GGCT: variants seen among roughly 807,000 people sequenced by gnomAD.
The protein encoded by GGCT is gamma-glutamylcyclotransferase, also known as cytochrome c-releasing factor 21.
GGCT carries 20 observed loss-of-function variants against 22.1 expected under a neutral mutation model. That is an observed-to-expected ratio of 0.91 (90% CI 0.64 to 1.32). The LOEUF (loss-of-function observed/expected upper bound fraction) is 1.32, where lower values mean the gene tolerates loss of function less well. Ranked by LOEUF, GGCT falls within the 40% of genes most tolerant of loss-of-function variation. The pLI is 0.00. For synonymous variants in GGCT, 72 were observed against 78.4 expected, an observed-to-expected ratio of 0.92 and a Z score of 0.43; for missense variants, 209 against 223.5, an observed-to-expected ratio of 0.94 and a Z score of 0.41.
rs1789624286 is a variant in GGCT, at chr7:30,498,824, G to C, written c.402C>G (p.Pro134=). Residue 134 remains proline, a synonymous_variant, in exon 3 of 4, where the codon CCC becomes CCG. Transcript: ENST00000275428. ...TTACCTTTTTATACTGTGGGGATGGGGGAGCACTTTCGTAATTTGTCATCA... is the reference window on the plus strand; with the variant it reads ...TTACCTTTTTATACTGTGGGGATGGCGGAGCACTTTCGTAATTTGTCATCA... ...SYLMTNYESA[P]PSPQYKKIIC... The C allele has an allele frequency of 6.2e-7, 1 of 1,613,446 alleles. No individual in the cohort carries two copies.
intron 3 of GGCT, chr7:30,498,016 TATATATAG>T (rs1294457948): frequency 1.3e-5 from 3 of 225,014 alleles, no homozygotes; most frequent in Non-Finnish European, 2.7e-5. Flanking sequence ...CATATATATA[TATATATAG>T]ATACACACAC....
chr7:30,499,907 A>G (rs561916291), intron 2 of GGCT, among the ~76,000 whole-genome samples: 205 of 152,086 alleles, frequency 1.3e-3, no homozygotes, highest in Non-Finnish European at 2.3e-3. Context: ...GTGTTCTGAC[A>G]GCAAGAGAAT....
At chr7:30,497,813 G>A (rs762854515) in intron 3 of GGCT, 18 of 1,459,932 alleles carry the variant, frequency 1.2e-5, no homozygotes, top group South Asian at 1.4e-5. Context: ...AGGAATTTTG[G>A]GGTCTCTATC....
chr7:30,498,013 A>ATATATATATATT (rs1453128203), intron 3 of GGCT: 1 of 229,328 alleles, frequency 4.4e-6, no homozygotes, highest in African/African-American at 2.2e-5. Context: ...AAGCATATAT[A>ATATATATATATT]TATATATATA....
At chr7:30,504,463 A>T (rs1789780227) in intron 1 of GGCT, 106 bp downstream of exon 1, 2 of 1,333,684 alleles carry the variant, frequency 1.5e-6, no homozygotes, top group South Asian at 2.6e-5. Flanking sequence ...TAGTACCCTC[A>T]TCAAGAAGAA....
chr7:30,497,112 C>T lies in GGCT; in HGVS notation c.547G>A (p.Gly183Arg), dbSNP rs1247878740. The change falls in exon 4 of 4, where the codon GGG (glycine) becomes AGG (arginine). Residue 183 changes from glycine to arginine, a missense_variant. Physicochemically the swap from Gly to Arg is moderately radical, Grantham distance 125. Coordinates refer to ENST00000275428, the MANE Select transcript of GGCT (RefSeq NM_024051.4). ...ATGTTCTAAAGAGTTTGTGTTTCCC[C>T]CTTTTTGATGATGTCTTCAATTTCT... The part of the protein sequence containing the change: ...SEEIEDIIKK[G>R]ETQTL 6.3e-7 allele frequency: 1 copy of T among 1,599,856 alleles called. No individual in the cohort carries two copies. The highest frequency in any genetic ancestry group is 2.2e-5 in the East Asian group (1 of 44,752).
At position 30,504,773 on chromosome 7, in the gene GGCT, A is replaced by C. The variant is rs564953523; in HGVS notation, c.-64T>G. ...GTAAGGAACGGCCAGAGAGCGCAAC[A>C]CTGGGGCCCACTACCCCGGCGCAGT... On this transcript the variant is annotated 5_prime_UTR_variant, in exon 1 of 4. Coordinates refer to ENST00000275428, the MANE Select transcript of GGCT (RefSeq NM_024051.4). The C allele has an allele frequency of 2.0e-6, 3 of 1,510,460 alleles. No homozygotes were observed. In the Admixed American group the frequency reaches 5.1e-5, roughly 26 times the overall value. The allele number at this position is 1,510,460 out of a possible 1,614,324, so 93.6% of individuals were successfully genotyped here. A position where few individuals can be genotyped will look rare whatever the true frequency, so the allele number is the denominator to read the frequency against.
intron 1 of GGCT, 31 bp downstream of exon 1, chr7:30,504,538 C>T: frequency 8.1e-6 from 13 of 1,611,604 alleles, no homozygotes; most frequent in Non-Finnish European, 7.6e-6. Flanking sequence ...ATCCCGGCCC[C>T]GGCGTGGGTA....
chr7:30,502,192 G>A (rs1391832738), intron 1 of GGCT, among the ~76,000 whole-genome samples: 1 of 152,156 alleles, frequency 6.6e-6, no homozygotes. Context: ...GAACTTTTTT[G>A]CTTACCTGTG....
chr7:30,503,356 G>C (rs913024599), intron 1 of GGCT, among the ~76,000 whole-genome samples: 1 of 152,210 alleles, frequency 6.6e-6, no homozygotes, highest in Non-Finnish European at 1.5e-5. Context: ...GGAATAGGGA[G>C]TATCAGAGCC....
intron 3 of GGCT, 38 bp from the exon 4 acceptor site, chr7:30,497,273 TCA>T (rs1206079894): frequency 6.6e-7 from 1 of 1,525,116 alleles, no homozygotes; most frequent in East Asian, 2.3e-5. Context: ...AAAAACCCTT[TCA>T]GTTAGGAATA....
chr7:30,503,807 T>G (rs1419638312), intron 1 of GGCT, among the ~76,000 whole-genome samples: 2 of 79,432 alleles, frequency 2.5e-5, no homozygotes, highest in African/African-American at 4.2e-5. Context: ...TTTTTTTTTT[T>G]GCTTAAATCA....
At position 30,500,521 on chromosome 7, in the gene GGCT, T is replaced by A. The variant is rs772603638; in HGVS notation, c.287+15A>T. ...GAATTAATTACTGTTTAACTTATAATTAGAAGCCACCTACTCATCCAGAGA... is the reference window on the plus strand; with the variant it reads ...GAATTAATTACTGTTTAACTTATAAATAGAAGCCACCTACTCATCCAGAGA... On this transcript the variant is annotated intron_variant, in intron 2 of 3. Transcript: ENST00000275428. The A allele has an allele frequency of 5.6e-6, 9 of 1,602,126 alleles. No individual in the cohort carries two copies. The highest frequency in any genetic ancestry group is 8.5e-7 in the Non-Finnish European group (1 of 1,169,990).
In GGCT at chr7:30,498,873, T is replaced by G; in HGVS notation, c.353A>C (p.Lys118Thr). 4 of 1,613,140 alleles carry G rather than the reference T, an allele frequency of 2.5e-6. No homozygotes were observed. The highest frequency in any genetic ancestry group is 3.4e-6 in the Non-Finnish European group (4 of 1,179,114). The change falls in exon 3 of 4, where the codon AAA becomes ACA. Residue 118 changes from lysine to threonine, a missense_variant. Transcript: ENST00000275428. Reference protein sequence around the residue: ...IEVKVATQEGKEITCRSYLMT... With the variant: ...IEVKVATQEGTEITCRSYLMT... The stretch of plus-strand genomic sequence containing the variant: ...CAGATAACTTCGACAGGTTATTTCT[T>G]TTCCTTCTTGAGTTGCAACTTTAAC...
intron 3 of GGCT, among the ~76,000 whole-genome samples, chr7:30,498,562 G>C (rs562445086): frequency 2.6e-5 from 4 of 152,186 alleles, no homozygotes; most frequent in Admixed American, 2.6e-4. Flanking sequence ...TGGGATTACA[G>C]GTGCTCGCCA....
intron 1 of GGCT, among the ~76,000 whole-genome samples, chr7:30,502,983 T>G (rs927931568): frequency 1.3e-5 from 2 of 152,196 alleles, no homozygotes; most frequent in Non-Finnish European, 2.9e-5. Flanking sequence ...CTTCCACATA[T>G]CTCCAGTCTT....
At chr7:30,499,864 G>A (rs1789659796) in intron 2 of GGCT, among the ~76,000 whole-genome samples, 1 of 151,236 alleles carries the variant, frequency 6.6e-6, no homozygotes, top group Non-Finnish European at 1.5e-5. Flanking sequence ...TTATACTATG[G>A]AAACATTGTT....
chr7:30,497,015 C>T lies in GGCT; in HGVS notation c.*77G>A. The stretch of plus-strand genomic sequence containing the variant: ...GAAAATGGATCAAACGTGGAGATCC[C>T]CCAGATCCCTGTTCTCAAGTGTTAA... On this transcript the variant is annotated 3_prime_UTR_variant, in exon 4 of 4. Transcript: ENST00000275428. 2.1e-6 allele frequency: 2 copies of T among 945,486 alleles called. No individual in the cohort carries two copies. The highest frequency in any genetic ancestry group is 3.1e-6 in the Non-Finnish European group (2 of 637,616). The allele number at this position is 945,486 out of a possible 1,614,324, so 58.6% of individuals were successfully genotyped here. A position where few individuals can be genotyped will look rare whatever the true frequency, so the allele number is the denominator to read the frequency against.
intron 1 of GGCT, among the ~76,000 whole-genome samples, chr7:30,504,059 T>C (rs1044543872): frequency 5.9e-5 from 9 of 152,106 alleles, no homozygotes; most frequent in Non-Finnish European, 1.2e-4. Context: ...CCAACACTGG[T>C]TATAGTTCAT....
Sources: allele counts gnomAD v4.1 joint callset (sites outside exome capture counted in the v4.1 genomes callset), GRCh38; gene constraint gnomAD v4.1.1; transcripts MANE v1.5; gene names NCBI Gene and HGNC (gene_info 2026-07-23, HGNC 2026-07-21).